Variants in NOX4 observed in about 807,000 individuals in gnomAD.
The protein encoded by NOX4 is NADPH oxidase 4.
NOX4 carries 69 observed loss-of-function variants against 87.6 expected under a neutral mutation model. That is an observed-to-expected ratio of 0.79 (90% CI 0.65 to 0.96). NOX4 has a LOEUF of 0.96. Ranked by LOEUF, NOX4 falls within the 40% of genes least tolerant of loss-of-function variation. The probability of loss-of-function intolerance (pLI) is 0.00; values close to 1 mark genes in which losing one functional copy is unlikely to be tolerated. For missense variants in NOX4, 680 were observed against 681.5 expected (o/e 1.00, Z 0.02); for synonymous variants, 275 against 238.2 (o/e 1.15, Z -1.42).
chr11:89,341,269 T>G (rs1042525577), intron 14 of NOX4, among the ~76,000 whole-genome samples: 3 of 151,500 alleles, frequency 2.0e-5, no homozygotes, highest in African/African-American at 4.9e-5. Flanking sequence ...ATTACAGGCA[T>G]GCAAAACCAC....
At chr11:89,549,270 C>T in the NOX4 span, among the ~76,000 whole-genome samples, 1 of 152,246 alleles carries the variant, frequency 6.6e-6, no homozygotes, top group South Asian at 2.1e-4. Context: ...TTTCTATAAG[C>T]TAATTATTCT....
At chr11:89,486,678 GTA>G (rs1946636896) in intron 2 of NOX4, among the ~76,000 whole-genome samples, 1 of 57,634 alleles carries the variant, frequency 1.7e-5, no homozygotes, top group African/African-American at 1.2e-4. Flanking sequence ...ATATATGTGT[GTA>G]TATATGTGTA....
intron 11 of NOX4, among the ~76,000 whole-genome samples, chr11:89,378,516 C>T (rs949860419): frequency 3.9e-5 from 6 of 152,030 alleles, no homozygotes; most frequent in African/African-American, 1.4e-4. Flanking sequence ...TATTAATAAA[C>T]TGTAAATGTC....
At chr11:89,353,346 C>G (rs538196698) in intron 13 of NOX4, among the ~76,000 whole-genome samples, 10 of 152,110 alleles carry the variant, frequency 6.6e-5, no homozygotes, top group Non-Finnish European at 1.5e-4. Context: ...CGCAGGTGCC[C>G]CTACCTTTAA....
chr11:89,439,350 G>C (rs1944358609), intron 6 of NOX4, among the ~76,000 whole-genome samples: 1 of 151,914 alleles, frequency 6.6e-6, no homozygotes, highest in Non-Finnish European at 1.5e-5. Context: ...AATGAGCAAA[G>C]TTGAAAGCAA....
chr11:89,526,589 T>A, the NOX4 span, among the ~76,000 whole-genome samples: 3 of 152,154 alleles, frequency 2.0e-5, no homozygotes, highest in Non-Finnish European at 4.4e-5. Context: ...AATCATAGAA[T>A]CAGTGTCCCT....
chr11:89,382,252 T>C (rs1940342312), intron 11 of NOX4, among the ~76,000 whole-genome samples: 1 of 151,890 alleles, frequency 6.6e-6, no homozygotes, highest in Non-Finnish European at 1.5e-5. Context: ...TCCTCCTTCT[T>C]CTCCCTTGGC....
chr11:89,427,400 A>G (rs1943489062), intron 7 of NOX4, among the ~76,000 whole-genome samples: 1 of 152,202 alleles, frequency 6.6e-6, no homozygotes, highest in Non-Finnish European at 1.5e-5. Context: ...TGAGAGAAGA[A>G]GGCTTCAGAT....
intron 7 of NOX4, among the ~76,000 whole-genome samples, chr11:89,427,626 T>C (rs1173893223): frequency 2.6e-5 from 4 of 152,094 alleles, no homozygotes; most frequent in South Asian, 4.1e-4. Flanking sequence ...GTATCAGTGA[T>C]TGAAGATCAA....
In NOX4 at chr11:89,421,906, A is replaced by T. The variant is rs1039513179; in HGVS notation, c.625T>A (p.Ser209Thr). ...VFYMLLTLHVSGGLLKYQTNL... is the reference protein window; with the variant it reads ...VFYMLLTLHVTGGLLKYQTNL... Reference sequence around the variant, plus strand: ...TACATACATTTGTAAACTTACCCTGAAACATGCAACGTCAGCAGCATGTAG... The same window carrying T: ...TACATACATTTGTAAACTTACCCTGTAACATGCAACGTCAGCAGCATGTAG... Residue 209 changes from serine to threonine, a missense_variant, in exon 8 of 18, where the codon TCA (serine) becomes ACA (threonine). Transcript: ENST00000263317. The T allele has an allele frequency of 2.6e-5, 40 of 1,563,838 alleles. No homozygotes were observed. The highest frequency in any genetic ancestry group is 3.4e-5 in the Non-Finnish European group (39 of 1,156,636).
chr11:89,359,552 C>A lies in NOX4; in HGVS notation c.1136-4509G>T, dbSNP rs1249442209. Among the ~76,000 whole-genome samples the A allele has an allele frequency of 4.0e-5, 6 of 151,848 alleles. No individual in the cohort carries two copies. In the South Asian group the frequency reaches 1.0e-3, roughly 26 times the overall value. ...AAGAAAGAAAAAAATATATAAAAAA[C>A]AAAAGTAACAATGATTAATGCTATT... On this transcript the variant is annotated intron_variant, in intron 12 of 17. Transcript: ENST00000263317.
chr11:89,373,918 C>T (rs1939648571), intron 11 of NOX4, among the ~76,000 whole-genome samples: 1 of 151,928 alleles, frequency 6.6e-6, no homozygotes, highest in Non-Finnish European at 1.5e-5. Flanking sequence ...GAAAAAAATT[C>T]TTAATGTGAC....
upstream of NOX4, among the ~76,000 whole-genome samples, chr11:89,499,938 T>G (rs2135510780): frequency 6.6e-6 from 1 of 152,280 alleles, no homozygotes; most frequent in East Asian, 1.9e-4. Context: ...GAAAAACTAT[T>G]ACAGGAATAA....
intron 11 of NOX4, among the ~76,000 whole-genome samples, chr11:89,379,305 T>A (rs962512718): frequency 6.6e-6 from 1 of 152,038 alleles, no homozygotes; most frequent in African/African-American, 2.4e-5. Flanking sequence ...GCCCATCTTT[T>A]GATCACAACA....
chr11:89,389,446 A>G lies in NOX4; in HGVS notation c.1074+10571T>C, dbSNP rs561142609. Among the ~76,000 whole-genome samples, 6 of 152,288 alleles carry G rather than the reference A, an allele frequency of 3.9e-5. No individual in the cohort carries two copies. In the East Asian group the frequency reaches 1.2e-3, roughly 29 times the overall value. On this transcript the variant is annotated intron_variant, in intron 11 of 17. Coordinates refer to ENST00000263317, the MANE Select transcript of NOX4 (RefSeq NM_016931.5). Reference sequence around the variant, plus strand: ...TAAAACTCAAACTACTGAATTTGTAATAGCTGTATATATTATTGATTTGAT... The same window carrying G: ...TAAAACTCAAACTACTGAATTTGTAGTAGCTGTATATATTATTGATTTGAT...
chr11:89,477,516 G>A (rs534324389), intron 2 of NOX4, among the ~76,000 whole-genome samples: 33 of 152,048 alleles, frequency 2.2e-4, no homozygotes, highest in Non-Finnish European at 4.7e-4. Flanking sequence ...ACTGGGGACC[G>A]CTGAAAGAGT....
intron 5 of NOX4, chr11:89,443,525 A>C (rs1027188257): frequency 6.6e-6 from 1 of 152,372 alleles, no homozygotes; most frequent in Admixed American, 6.5e-5. Context: ...TAACTGGCTG[A>C]GCATGTGCTG....
chr11:89,424,571 T>C (rs895887889), intron 7 of NOX4, among the ~76,000 whole-genome samples: 54 of 151,962 alleles, frequency 3.6e-4, no homozygotes, highest in Non-Finnish European at 6.6e-4. Flanking sequence ...ACCCCAATAC[T>C]GGCTTTTATA....
At chr11:89,407,064 T>A (rs145402564) in intron 8 of NOX4, among the ~76,000 whole-genome samples, 1 of 152,116 alleles carries the variant, frequency 6.6e-6, no homozygotes, top group Non-Finnish European at 1.5e-5. Context: ...TTATCCCTTA[T>A]ACATTCATAC....
Sources: allele counts gnomAD v4.1 joint callset (sites outside exome capture counted in the v4.1 genomes callset), GRCh38; gene constraint gnomAD v4.1.1; transcripts MANE v1.5; gene names NCBI Gene and HGNC (gene_info 2026-07-23, HGNC 2026-07-21).